The following RAPGEF4 variants were observed in gnomAD, a reference collection of about 807,000 sequenced individuals.
The protein encoded by RAPGEF4 is RAP guanine-nucleotide-exchange factor (GEF) 4.
RAPGEF4 carries 66 observed loss-of-function variants against 147.9 expected under a neutral mutation model. The ratio of observed to expected loss-of-function variants is 0.45; its 90% CI spans 0.37 to 0.55. The LOEUF (loss-of-function observed/expected upper bound fraction) is 0.55, where lower values mean the gene tolerates loss of function less well. RAPGEF4 is among the 20% of genes least tolerant of loss of function. The probability of loss-of-function intolerance (pLI) is 0.00; values close to 1 mark genes in which losing one functional copy is unlikely to be tolerated. For synonymous variants in RAPGEF4, 419 were observed against 442.7 expected (o/e 0.95, Z 0.67); for missense variants, 1,071 against 1,257.3 (o/e 0.85, Z 2.24).
In RAPGEF4 at chr2:172,797,668, T is replaced by A; in HGVS notation, c.297+55T>A. ...ATTTATTTTTTTTAAAGACTTATTA[T>A]CCCTATGTCTTTTATGCCATTAAAA... On this transcript the variant is annotated intron_variant, in intron 3 of 30. Transcript: ENST00000397081. 3 of 1,320,684 alleles carry A rather than the reference T, an allele frequency of 2.3e-6. No homozygotes were observed. In the Admixed American group the frequency reaches 5.8e-5, roughly 26 times the overall value. 81.8% of individuals were successfully genotyped at this position (1,320,684 alleles called of 1,614,324 possible). A position where few individuals can be genotyped will look rare whatever the true frequency, so the allele number is the denominator to read the frequency against.
At chr2:172,784,348 C>T (rs1238163710) in intron 1 of RAPGEF4, among the ~76,000 whole-genome samples, 3 of 152,188 alleles carry the variant, frequency 2.0e-5, no homozygotes, top group Admixed American at 6.5e-5. Flanking sequence ...GAAACCCCAT[C>T]TCCACTAAAA....
chr2:172,777,642 C>T (rs1373138195), intron 1 of RAPGEF4, among the ~76,000 whole-genome samples: 2 of 152,184 alleles, frequency 1.3e-5, no homozygotes, highest in African/African-American at 4.8e-5. Context: ...ACTCACGTCA[C>T]TGCACATTCC....
chr2:173,033,798 A>G, intron 26 of RAPGEF4, 116 bp from the exon 27 acceptor site: 1 of 913,270 alleles, frequency 1.1e-6, no homozygotes, highest in Admixed American at 2.5e-5. Context: ...GGCCTGTCTC[A>G]GAGATGTTTG....
At chr2:172,878,341 C>T (rs1441949591) in intron 4 of RAPGEF4, among the ~76,000 whole-genome samples, 1 of 152,200 alleles carries the variant, frequency 6.6e-6, no homozygotes, top group African/African-American at 2.4e-5. Context: ...TTGTACCTTA[C>T]CTCAAAATAT....
At chr2:172,803,593 T>G (rs1687189642) in intron 3 of RAPGEF4, among the ~76,000 whole-genome samples, 2 of 67,636 alleles carry the variant, frequency 3.0e-5, no homozygotes, top group Non-Finnish European at 7.9e-5. Context: ...CTAGAGACAT[T>G]TTCCCCATTG....
At chr2:173,020,082 AT>A (rs1216221578) in intron 22 of RAPGEF4, among the ~76,000 whole-genome samples, 6 of 152,154 alleles carry the variant, frequency 3.9e-5, no homozygotes, top group Non-Finnish European at 8.8e-5. Context: ...AAATGAACTA[AT>A]TTTTTAATTT....
At chr2:172,770,648 G>A (rs1683456407) in intron 1 of RAPGEF4, among the ~76,000 whole-genome samples, 1 of 152,190 alleles carries the variant, frequency 6.6e-6, no homozygotes, top group Admixed American at 6.5e-5. Flanking sequence ...CCCACAGCAT[G>A]TATTATGGTG....
intron 3 of RAPGEF4, among the ~76,000 whole-genome samples, chr2:172,806,015 CTGTGTGTGTG>C (rs36226317): frequency 0.22 from 31,242 of 145,092 alleles, 3,731 homozygotes; most frequent in Non-Finnish European, 0.27. Flanking sequence ...TATTATCCGG[CTGTGTGTGTG>C]TGTGTGTGTG....
At chr2:172,879,571 C>G (rs749959324) in intron 4 of RAPGEF4, among the ~76,000 whole-genome samples, 1 of 152,084 alleles carries the variant, frequency 6.6e-6, no homozygotes, top group Non-Finnish European at 1.5e-5. Context: ...GAGGCCGAGA[C>G]GAGCAGATCA....
At position 172,965,671 on chromosome 2, in the gene RAPGEF4, G is replaced by C. The variant is rs1413383637; in HGVS notation, c.808G>C (p.Val270Leu). ...GMWQVLLEDG[V>L]LNHVDQEHHF... ...GTGGCAAGTCCTGTTAGAAGATGGT[G>C]TTCTCAACCACGGTAAGATGAGCCC... The change falls in exon 9 of 31, where the codon GTT becomes CTT. Residue 270 changes from valine (V) to leucine (L), a missense_variant. By Grantham distance (32) the Val-to-Leu change is conservative. Transcript: ENST00000397081. 1 of 1,614,058 alleles carries C rather than the reference G, an allele frequency of 6.2e-7. No homozygotes were observed. The highest frequency in any genetic ancestry group is 1.3e-5 in the African/African-American group (1 of 74,922).
At chr2:172,823,903 T>C (rs1269467130) in intron 4 of RAPGEF4, among the ~76,000 whole-genome samples, 1 of 152,236 alleles carries the variant, frequency 6.6e-6, no homozygotes, top group Non-Finnish European at 1.5e-5. Flanking sequence ...TGCAAAGCTC[T>C]CCAGCTTCCT....
At chr2:172,756,272 G>A (rs766545055) in intron 1 of RAPGEF4, among the ~76,000 whole-genome samples, 51 of 152,318 alleles carry the variant, frequency 3.3e-4, no homozygotes, top group Admixed American at 1.8e-3. Flanking sequence ...GGGACCTTAA[G>A]CAAAATGGAA....
At chr2:173,016,500 C>G in intron 19 of RAPGEF4, 63 bp downstream of exon 19, 1 of 1,378,504 alleles carries the variant, frequency 7.3e-7, no homozygotes, top group East Asian at 2.3e-5. Context: ...AGTCCTTTGC[C>G]CACAAGAAAG....
At chr2:172,744,528 T>C (rs1335634944) in intron 1 of RAPGEF4, 1 of 378,590 alleles carries the variant, frequency 2.6e-6, no homozygotes, top group Non-Finnish European at 5.3e-6. Context: ...ACCCCAGTTT[T>C]AATTTTATTG....
chr2:173,001,417 T>G (rs1428453587), intron 17 of RAPGEF4, 73 bp downstream of exon 17: 1 of 1,580,900 alleles, frequency 6.3e-7, no homozygotes, highest in African/African-American at 1.4e-5. Context: ...CATTCTTATC[T>G]CATCTTCTGC....
At chr2:173,016,580 G>T (rs1214244344) in intron 19 of RAPGEF4, 143 bp downstream of exon 19, 2 of 657,248 alleles carry the variant, frequency 3.0e-6, no homozygotes, top group Non-Finnish European at 2.7e-6. Context: ...GAGGGCATAG[G>T]TGGTGCAGTA....
chr2:173,041,969 C>T, intron 29 of RAPGEF4, among the ~76,000 whole-genome samples: 1 of 152,226 alleles, frequency 6.6e-6, no homozygotes, highest in Non-Finnish European at 1.5e-5. Context: ...CTCCCCTCCT[C>T]CCTGTGGTGC....
chr2:172,770,516 A>AT (rs1306667635), intron 1 of RAPGEF4, among the ~76,000 whole-genome samples: 1 of 152,156 alleles, frequency 6.6e-6, no homozygotes, highest in Admixed American at 6.6e-5. Context: ...GCCATCTGCT[A>AT]TTTTACTGTT....
At chr2:173,050,856 T>C (rs1407434833) in intron 30 of RAPGEF4, among the ~76,000 whole-genome samples, 2 of 151,834 alleles carry the variant, frequency 1.3e-5, no homozygotes, top group South Asian at 2.1e-4. Context: ...GAGGGACCTG[T>C]GTTTCCAGTT....
Sources: allele counts gnomAD v4.1 joint callset (sites outside exome capture counted in the v4.1 genomes callset), GRCh38; gene constraint gnomAD v4.1.1; transcripts MANE v1.5; gene names NCBI Gene and HGNC (gene_info 2026-07-23, HGNC 2026-07-21).